The following AFP variants were observed in gnomAD, a reference collection of about 807,000 sequenced individuals.
AFP encodes the protein alpha-fetoprotein.
A neutral mutation model predicts 78.9 loss-of-function variants in AFP; 64 were observed. The observed-to-expected ratio is 0.81, with a 90% confidence interval of 0.66 to 1.00. AFP has a LOEUF of 1.00. Ranked by LOEUF, AFP falls within the 50% of genes least tolerant of loss-of-function variation. The pLI is 0.00. For synonymous variants in AFP, 254 were observed against 243.8 expected (o/e 1.04, Z -0.39); for missense variants, 689 against 703.8 (o/e 0.98, Z 0.24).
chr4:73,453,990 A>G, intron 13 of AFP, 93 bp downstream of exon 13: 1 of 1,463,470 alleles, frequency 6.8e-7, no homozygotes. Flanking sequence ...ATAACTTTAA[A>G]ATATTTTCAG....
At chr4:73,453,555 AC>A in intron 12 of AFP, 2 of 579,556 alleles carry the variant, frequency 3.5e-6, no homozygotes, top group Non-Finnish European at 6.1e-6. Context: ...TTTATCCACA[AC>A]CTGCACAACT....
In AFP at chr4:73,455,846, G is replaced by T. The variant is rs966474998; in HGVS notation, c.*226G>T. On this transcript the variant is annotated 3_prime_UTR_variant, in exon 15 of 15. Coordinates refer to ENST00000395792, the MANE Select transcript of AFP (RefSeq NM_001134.3). Reference sequence around the variant, plus strand: ...TCTTTAGTTTTGTATACCATTGTCTGAAGCAGATTCTGTTAAAATAGCATT... The same window carrying T: ...TCTTTAGTTTTGTATACCATTGTCTTAAGCAGATTCTGTTAAAATAGCATT... The T allele has an allele frequency of 2.6e-5, 15 of 569,852 alleles. No individual in the cohort carries two copies. Among genetic ancestry groups the T allele is most frequent in the Non-Finnish European group, 4.6e-5 (15 of 325,924 alleles). The allele number at this position is 569,852 out of a possible 1,614,324, so 35.3% of individuals were successfully genotyped here. A position where few individuals can be genotyped will look rare whatever the true frequency, so the allele number is the denominator to read the frequency against.
rs1009792186 is a variant in AFP, at chr4:73,454,004, G to C, written c.1785+107G>C. Reference sequence around the variant, plus strand: ...TATAACTTTAAAATATTTTCAGAGAGATTTAAATTTCATTGAGAAGCAGAT... The same window carrying C: ...TATAACTTTAAAATATTTTCAGAGACATTTAAATTTCATTGAGAAGCAGAT... On this transcript the variant is annotated intron_variant, in intron 13 of 14. Coordinates refer to ENST00000395792, the MANE Select transcript of AFP (RefSeq NM_001134.3). The C allele has an allele frequency of 2.2e-6, 3 of 1,368,784 alleles. No individual in the cohort carries two copies. In the East Asian group the frequency reaches 7.5e-5, roughly 34 times the overall value. 84.8% of individuals were successfully genotyped at this position (1,368,784 alleles called of 1,614,324 possible). A position where few individuals can be genotyped will look rare whatever the true frequency, so the allele number is the denominator to read the frequency against.
intron 14 of AFP, 159 bp downstream of exon 14, chr4:73,455,449 C>A: frequency 2.9e-6 from 2 of 679,194 alleles, no homozygotes; most frequent in Non-Finnish European, 5.1e-6. Context: ...ATTACGCACA[C>A]AATGTTAAAT....
chr4:73,454,502 T>A (rs1300916530), intron 13 of AFP, among the ~76,000 whole-genome samples: 2 of 152,198 alleles, frequency 1.3e-5, no homozygotes, highest in Non-Finnish European at 2.9e-5. Context: ...GAACATGTGA[T>A]GTTTCAATAT....
chr4:73,451,049 TAAC>T (rs1719977582), intron 11 of AFP, among the ~76,000 whole-genome samples: 1 of 152,242 alleles, frequency 6.6e-6, no homozygotes, highest in Admixed American at 6.5e-5. Context: ...TCATAATTCA[TAAC>T]AATTCATAAT....
intron 6 of AFP, 45 bp from the exon 7 acceptor site, chr4:73,444,948 A>T (rs1719774389): frequency 2.6e-6 from 4 of 1,512,036 alleles, no homozygotes; most frequent in Non-Finnish European, 3.6e-6. Context: ...TTTTATTTTG[A>T]CAGATAACCA....
intron 1 of AFP, among the ~76,000 whole-genome samples, chr4:73,436,730 T>C (rs1212802272): frequency 6.6e-5 from 10 of 151,874 alleles, no homozygotes; most frequent in Non-Finnish European, 1.5e-4. Flanking sequence ...GTAAAATAGA[T>C]AAAATCTTTG....
chr4:73,452,383 T>A lies in AFP; in HGVS notation c.1429-18T>A, dbSNP rs1416568355. The A allele has an allele frequency of 2.5e-6, 4 of 1,610,056 alleles. No individual in the cohort carries two copies. The Admixed American group carries it at 6.7e-5, about 27-fold the overall frequency. On this transcript the variant is annotated intron_variant, in intron 11 of 14. Coordinates refer to ENST00000395792, the MANE Select transcript of AFP (RefSeq NM_001134.3). ...AATGCCCAATCTCCTTACTTTTTTTTCTCATTCTCCTAACCAGGCTGACAT... is the reference window on the plus strand; with the variant it reads ...AATGCCCAATCTCCTTACTTTTTTTACTCATTCTCCTAACCAGGCTGACAT...
chr4:73,451,377 T>A (rs1417444570), intron 11 of AFP, among the ~76,000 whole-genome samples: 2 of 152,228 alleles, frequency 1.3e-5, no homozygotes, highest in Admixed American at 1.3e-4. Context: ...AAAATATTTT[T>A]CCTATAAAGT....
At chr4:73,441,771 G>A (rs951436644) in intron 4 of AFP, among the ~76,000 whole-genome samples, 2 of 152,070 alleles carry the variant, frequency 1.3e-5, no homozygotes. Context: ...TTGACCCCAG[G>A]TTCTCTGTTG....
chr4:73,440,828 T>A lies in AFP; in HGVS notation c.482+15T>A. On this transcript the variant is annotated intron_variant, in intron 4 of 14. Transcript: ENST00000395792. ...TTCATGAACAAGTAAGGATCCAGTT[T>A]AAAGGTAGATGCAAACCTCAGAAAC... 1 of 1,608,608 alleles carries A rather than the reference T, an allele frequency of 6.2e-7. No homozygotes were observed. Among genetic ancestry groups the A allele is most frequent in the Non-Finnish European group, 8.5e-7 (1 of 1,176,192 alleles).
chr4:73,437,672 A>C (rs989154649), intron 2 of AFP, among the ~76,000 whole-genome samples: 2 of 152,098 alleles, frequency 1.3e-5, no homozygotes, highest in Non-Finnish European at 2.9e-5. Flanking sequence ...AATTTCTAAC[A>C]AAGAATTTAA....
chr4:73,450,133 C>A lies in AFP; in HGVS notation c.1289C>A (p.Ala430Glu), dbSNP rs367853668. The A allele has an allele frequency of 3.1e-6, 5 of 1,601,820 alleles. No individual in the cohort carries two copies. Among genetic ancestry groups the A allele is most frequent in the Non-Finnish European group, 4.3e-6 (5 of 1,169,524 alleles). Residue 430 changes from alanine (A) to glutamate (E), a missense_variant and splice_region_variant, in exon 10 of 15, where the codon GCG (alanine) becomes GAG (glutamate). Coordinates refer to ENST00000395792, the MANE Select transcript of AFP (RefSeq NM_001134.3). The stretch of plus-strand genomic sequence containing the variant: ...CTAGGAGAATATTACTTACAAAATG[C>A]GTATGTTTTTGTAAACAGTATTTTT... ...QKLGEYYLQN[A>E]FLVAYTKKAP... is the part of the protein sequence containing the mutation.
chr4:73,449,309 G>T (rs1234037972), intron 8 of AFP, 26 bp from the exon 9 acceptor site: 2 of 1,605,242 alleles, frequency 1.2e-6, no homozygotes, highest in East Asian at 2.2e-5. Context: ...CCAATAACTT[G>T]AAATATTTTT....
chr4:73,438,133 C>A (rs554768142), intron 2 of AFP, 41 bp from the exon 3 acceptor site: 2 of 1,610,550 alleles, frequency 1.2e-6, no homozygotes, highest in South Asian at 2.2e-5. Flanking sequence ...AAGCTTGCTG[C>A]AGGTCTGTTC....
chr4:73,437,060 T>G, intron 1 of AFP, 100 bp from the exon 2 acceptor site: 9 of 908,616 alleles, frequency 9.9e-6, no homozygotes, highest in Non-Finnish European at 1.6e-5. Flanking sequence ...ATTCTGAAAC[T>G]GTACAGTTCT....
chr4:73,445,129 A>G lies in AFP; in HGVS notation c.843+7A>G, dbSNP rs914253982. 5.6e-6 allele frequency: 9 copies of G among 1,613,624 alleles called. No homozygotes were observed. The highest frequency in any genetic ancestry group is 7.6e-6 in the Non-Finnish European group (9 of 1,179,708). ...GGATTGTCTGCAGGATGGGGTGAAG[A>G]GTCTTGCTTCTTAAAATAGAAGATT... On this transcript the variant is annotated splice_region_variant and intron_variant, in intron 7 of 14. Transcript: ENST00000395792.
rs771900256 is a variant in AFP, at chr4:73,438,210, C to T, written c.174C>T (p.Ala58=). 6.2e-7 allele frequency: 1 copy of T among 1,613,262 alleles called. No individual in the cohort carries two copies. The highest frequency in any genetic ancestry group is 1.3e-5 in the African/African-American group (1 of 74,862). Reference sequence around the variant, plus strand: ...TTTTTGCCCAGTTTGTTCAAGAAGCCACTTACAAGGAAGTAAGCAAAATGG... The same window carrying T: ...TTTTTGCCCAGTTTGTTCAAGAAGCTACTTACAAGGAAGTAAGCAAAATGG... ...TIFFAQFVQE[A]TYKEVSKMVK... Residue 58 remains alanine, a synonymous_variant, in exon 3 of 15, where the codon GCC becomes GCT. Coordinates refer to ENST00000395792, the MANE Select transcript of AFP (RefSeq NM_001134.3).
Sources: gnomAD v4.1 joint callset for allele counts (sites outside exome capture counted in the v4.1 genomes callset) on GRCh38, gnomAD v4.1.1 for gene constraint, MANE v1.5 for transcripts, NCBI Gene and HGNC (gene_info 2026-07-23, HGNC 2026-07-21) for gene names.